The following SSUH2 variants were observed in gnomAD, a reference collection of about 807,000 sequenced individuals.
SSUH2 encodes the protein protein SSUH2 homolog.
Under a neutral mutation model 55.3 loss-of-function variants are expected in SSUH2, and 47 were observed. The ratio of observed to expected loss-of-function variants is 0.85; its 90% CI spans 0.67 to 1.08. SSUH2 has a LOEUF of 1.08. SSUH2 is among the 50% of genes least tolerant of loss of function. SSUH2 has a pLI of 0.00. For missense variants in SSUH2, 535 were observed against 490.7 expected (o/e 1.09, Z -0.85); for synonymous variants, 212 against 191.5 (o/e 1.11, Z -0.89).
At chr3:8,661,715 G>C (rs772002680) in intron 6 of SSUH2, among the ~76,000 whole-genome samples, 2 of 152,240 alleles carry the variant, frequency 1.3e-5, no homozygotes, top group Non-Finnish European at 2.9e-5. Flanking sequence ...TACTGTATAT[G>C]CAGTGGGTTG....
chr3:8,656,934 G>A (rs996259649), intron 7 of SSUH2, among the ~76,000 whole-genome samples: 44 of 152,194 alleles, frequency 2.9e-4, no homozygotes, highest in African/African-American at 1.1e-3. Flanking sequence ...AGGCTGGAGT[G>A]CAGTAGCACA....
chr3:8,644,675 T>A, intron 1 of SSUH2, 56 bp downstream of exon 1: 1 of 1,488,270 alleles, frequency 6.7e-7, no homozygotes, highest in Non-Finnish European at 9.1e-7. Flanking sequence ...CCTCTTCAAA[T>A]GCAGGCTAAA....
At chr3:8,672,588 A>T (rs189830883) in intron 3 of SSUH2, among the ~76,000 whole-genome samples, 24 of 151,934 alleles carry the variant, frequency 1.6e-4, no homozygotes, top group Admixed American at 1.4e-3. Flanking sequence ...ATATCCCAGG[A>T]TGGGTGTACA....
intron 3 of SSUH2, among the ~76,000 whole-genome samples, chr3:8,673,391 G>T (rs11719659): frequency 0.22 from 32,671 of 151,902 alleles, 4,958 homozygotes; most frequent in African/African-American, 0.43. Flanking sequence ...GATGCAAAAC[G>T]GGGATCCAAA....
chr3:8,641,440 T>C (rs1700824453), intron 1 of SSUH2, among the ~76,000 whole-genome samples: 2 of 152,144 alleles, frequency 1.3e-5, no homozygotes, highest in South Asian at 2.1e-4. Flanking sequence ...GTAGGGTCAC[T>C]GAGAGGAGCA....
intron 1 of SSUH2, chr3:8,679,993 A>C (rs1198974130): frequency 1.3e-5 from 2 of 152,258 alleles, no homozygotes; most frequent in Non-Finnish European, 2.9e-5. Flanking sequence ...GGGGGATCCC[A>C]ACAACAGCAA....
intron 7 of SSUH2, among the ~76,000 whole-genome samples, chr3:8,654,319 C>T (rs563459330): frequency 6.6e-6 from 1 of 152,344 alleles, no homozygotes; most frequent in African/African-American, 2.4e-5. Flanking sequence ...GGGGGTAGGG[C>T]TTCAACAGAT....
intron 1 of SSUH2, among the ~76,000 whole-genome samples, chr3:8,641,388 T>G (rs571106393): frequency 4.6e-5 from 7 of 152,180 alleles, no homozygotes; most frequent in Admixed American, 2.6e-4. Context: ...ACTCAATTTT[T>G]TAGGGCCTTG....
intron 10 of SSUH2, 50 bp downstream of exon 10, chr3:8,625,492 G>A (rs987812657): frequency 2.5e-6 from 3 of 1,181,632 alleles, no homozygotes; most frequent in African/African-American, 1.5e-5. Context: ...GCCCACGAGA[G>A]CAGAGGAGGA....
chr3:8,675,678 T>G (rs1467128892), intron 3 of SSUH2, among the ~76,000 whole-genome samples: 1 of 152,174 alleles, frequency 6.6e-6, no homozygotes, highest in Non-Finnish European at 1.5e-5. Context: ...TGTGGGGTTT[T>G]GTAGACTGTG....
In SSUH2 at chr3:8,619,788, A is replaced by C. The variant is rs1464590223; in HGVS notation, c.*80T>G. The C allele has an allele frequency of 6.6e-7, 1 of 1,518,618 alleles. No individual in the cohort carries two copies. The highest frequency in any genetic ancestry group is 8.9e-7 in the Non-Finnish European group (1 of 1,118,722). 94.1% of individuals were successfully genotyped at this position (1,518,618 alleles called of 1,614,324 possible). A position where few individuals can be genotyped will look rare whatever the true frequency, so the allele number is the denominator to read the frequency against. ...TTGTATGTGATTGTCCAATGCAGCCAACAGTGAACACACTCAGAGAGTGTC... is the reference window on the plus strand; with the variant it reads ...TTGTATGTGATTGTCCAATGCAGCCCACAGTGAACACACTCAGAGAGTGTC... On this transcript the variant is annotated 3_prime_UTR_variant, in exon 12 of 12. Coordinates refer to ENST00000544814, the MANE Select transcript of SSUH2 (RefSeq NM_001256748.3).
chr3:8,681,565 C>T (rs1353963465), intron 1 of SSUH2, among the ~76,000 whole-genome samples: 2 of 148,280 alleles, frequency 1.3e-5, no homozygotes, highest in Admixed American at 6.7e-5. Context: ...GCGGGAGGCA[C>T]CCCCAACGAA....
At chr3:8,652,003 G>T (rs1255643027) in intron 7 of SSUH2, 1 of 152,436 alleles carries the variant, frequency 6.6e-6, no homozygotes, top group Non-Finnish European at 1.5e-5. Context: ...TCCATCCGGG[G>T]GTCTCTGACT....
intron 5 of SSUH2, among the ~76,000 whole-genome samples, chr3:8,667,276 T>C (rs1380020330): frequency 1.3e-5 from 2 of 152,178 alleles, no homozygotes; most frequent in Non-Finnish European, 2.9e-5. Flanking sequence ...TTTTAGACCA[T>C]ATAGGTAACT....
intron 11 of SSUH2, among the ~76,000 whole-genome samples, chr3:8,620,439 T>C (rs1003153421): frequency 1.3e-5 from 2 of 152,208 alleles, no homozygotes; most frequent in African/African-American, 4.8e-5. Context: ...GAAAACTCTT[T>C]CCTGTATAAA....
intron 5 of SSUH2, among the ~76,000 whole-genome samples, chr3:8,664,732 G>A (rs1035093833): frequency 1.3e-5 from 2 of 152,232 alleles, no homozygotes; most frequent in Non-Finnish European, 2.9e-5. Flanking sequence ...CCTTCCAACG[G>A]GCCCTTGGCC....
At position 8,677,647 on chromosome 3, in the gene SSUH2, T is replaced by C. The variant is rs372792293; in HGVS notation, c.-900-294A>G. Among the ~76,000 whole-genome samples the C allele has an allele frequency of 2.7e-4, 41 of 151,024 alleles. 2 individuals carry two copies. Among genetic ancestry groups the C allele is most frequent in the South Asian group, 4.2e-4 (2 of 4,706 alleles). On this transcript the variant is annotated intron_variant, in intron 2 of 18. Transcript: ENST00000317371. ...TTAACCCAAACTGTGGGGCCCTGGC[T>C]GAGGCCGGTGGCCTACGTCTCTAAA... is the stretch of plus-strand genomic sequence containing the variant.
chr3:8,634,960 G>C (rs75241346), intron 3 of SSUH2, among the ~76,000 whole-genome samples: 1 of 152,210 alleles, frequency 6.6e-6, no homozygotes, highest in Non-Finnish European at 1.5e-5. Flanking sequence ...CAGCTCTGGA[G>C]TAAAAGCTGC....
chr3:8,637,347 G>A (rs968164008), intron 1 of SSUH2, among the ~76,000 whole-genome samples: 1 of 152,192 alleles, frequency 6.6e-6, no homozygotes, highest in African/African-American at 2.4e-5. Flanking sequence ...TGTCGGGTGT[G>A]ACATAGATAC....
Sources: gnomAD v4.1 joint callset for allele counts (sites outside exome capture counted in the v4.1 genomes callset) on GRCh38, gnomAD v4.1.1 for gene constraint, MANE v1.5 for transcripts, NCBI Gene and HGNC (gene_info 2026-07-23, HGNC 2026-07-21) for gene names.